DLG2: variants seen among roughly 807,000 people sequenced by gnomAD.
DLG2 encodes the protein disks large homolog 2.
Under a neutral mutation model 132.5 loss-of-function variants are expected in DLG2, and 45 were observed. The observed-to-expected ratio is 0.34, with a 90% CI of 0.27 to 0.44. The LOEUF is 0.44. Ranked by LOEUF, DLG2 falls within the 20% of genes least tolerant of loss-of-function variation. The pLI is 1.00. For synonymous variants in DLG2, 424 were observed against 419.6 expected (o/e 1.01, Z -0.13); for missense variants, 1,045 against 1,196.9 (o/e 0.87, Z 1.87).
chr11:84,922,274 A>C (rs955230679), intron 6 of DLG2, among the ~76,000 whole-genome samples: 1 of 152,152 alleles, frequency 6.6e-6, no homozygotes, highest in Non-Finnish European at 1.5e-5. Context: ...TTCTTTCTCC[A>C]AGAAATGTAA....
intron 3 of DLG2, among the ~76,000 whole-genome samples, chr11:85,494,258 T>C (rs1264729513): frequency 6.6e-6 from 1 of 152,218 alleles, no homozygotes; most frequent in Non-Finnish European, 1.5e-5. Context: ...TTTAATTTCC[T>C]TTATAACATG....
At chr11:84,994,669 G>A (rs1314381623) in intron 6 of DLG2, among the ~76,000 whole-genome samples, 1 of 152,174 alleles carries the variant, frequency 6.6e-6, no homozygotes, top group Non-Finnish European at 1.5e-5. Flanking sequence ...TTTGGGGGGA[G>A]ATTATCACAG....
At chr11:84,249,084 C>A (rs17147089) in intron 8 of DLG2, among the ~76,000 whole-genome samples, 6,010 of 152,240 alleles carry the variant, frequency 0.039, 128 homozygotes, top group South Asian at 0.077. Context: ...GGATATCTGG[C>A]AGTTACGCCA....
intron 7 of DLG2, among the ~76,000 whole-genome samples, chr11:84,520,509 A>G (rs2099293530): frequency 1.3e-5 from 2 of 152,148 alleles, no homozygotes; most frequent in Non-Finnish European, 2.9e-5. Context: ...GTAGCCTAAA[A>G]TTACATTGGT....
chr11:84,414,900 G>A (rs1172143302), intron 7 of DLG2, among the ~76,000 whole-genome samples: 1 of 152,110 alleles, frequency 6.6e-6, no homozygotes, highest in Non-Finnish European at 1.5e-5. Flanking sequence ...ATCCTTGAAA[G>A]TGAAAGACCT....
chr11:85,292,828 T>G (rs1322318479), intron 3 of DLG2, among the ~76,000 whole-genome samples: 1 of 151,776 alleles, frequency 6.6e-6, no homozygotes, highest in Non-Finnish European at 1.5e-5. Flanking sequence ...TTCAAAGTAT[T>G]TTCCTCTATT....
At chr11:83,699,627 G>A (rs961508795) in intron 18 of DLG2, among the ~76,000 whole-genome samples, 1 of 151,108 alleles carries the variant, frequency 6.6e-6, no homozygotes, top group Non-Finnish European at 1.5e-5. Context: ...GGAGAATGGA[G>A]TGAACCCAGG....
chr11:84,190,174 CAA>C (rs35162888), intron 8 of DLG2, among the ~76,000 whole-genome samples: 3 of 132,032 alleles, frequency 2.3e-5, no homozygotes, highest in African/African-American at 5.5e-5. Flanking sequence ...GTTAAGTAGT[CAA>C]AAAAAAAAAA....
chr11:83,575,952 C>T (rs529848276), intron 19 of DLG2, among the ~76,000 whole-genome samples: 9 of 151,962 alleles, frequency 5.9e-5, no homozygotes, highest in Admixed American at 1.3e-4. Context: ...CCAATCAAAA[C>T]GAACCCATAA....
intron 3 of DLG2, among the ~76,000 whole-genome samples, chr11:85,411,644 G>A (rs115022872): frequency 2.5e-4 from 38 of 151,902 alleles, no homozygotes; most frequent in African/African-American, 8.4e-4. Flanking sequence ...TTGAGCATAC[G>A]AAATGGATAA....
intron 19 of DLG2, among the ~76,000 whole-genome samples, chr11:83,623,318 A>G (rs1372301886): frequency 6.6e-6 from 1 of 152,210 alleles, no homozygotes; most frequent in Non-Finnish European, 1.5e-5. Flanking sequence ...AGGGGCAAGG[A>G]GCCTAGTCAG....
intron 26 of DLG2, among the ~76,000 whole-genome samples, chr11:83,464,912 T>C (rs542408216): frequency 6.6e-6 from 1 of 152,336 alleles, no homozygotes; most frequent in South Asian, 2.1e-4. Flanking sequence ...AATGTTAGCA[T>C]TACTTATATT....
chr11:84,573,214 T>C (rs2099490085), intron 6 of DLG2, among the ~76,000 whole-genome samples: 1 of 152,266 alleles, frequency 6.6e-6, no homozygotes, highest in East Asian at 1.9e-4. Context: ...ATAATTTTAG[T>C]AGCTAAGTAA....
chr11:85,525,060 T>C (rs921453266), intron 3 of DLG2: 3 of 152,196 alleles, frequency 2.0e-5, no homozygotes, highest in Admixed American at 6.5e-5. Flanking sequence ...TGTAAAATTA[T>C]AACATTTGTC....
At chr11:83,562,037 C>T (rs1224751105) in intron 19 of DLG2, among the ~76,000 whole-genome samples, 1 of 151,348 alleles carries the variant, frequency 6.6e-6, no homozygotes, top group East Asian at 1.9e-4. Context: ...TACAGGTGCC[C>T]AGCACCACGC....
intron 19 of DLG2, among the ~76,000 whole-genome samples, chr11:83,583,078 A>C (rs1195405168): frequency 6.6e-6 from 1 of 152,238 alleles, no homozygotes; most frequent in African/African-American, 2.4e-5. Flanking sequence ...ATCAGTGCAG[A>C]AGCTAATTTG....
intron 7 of DLG2, among the ~76,000 whole-genome samples, chr11:84,253,012 G>T (rs1397118164): frequency 1.3e-5 from 2 of 152,106 alleles, no homozygotes; most frequent in Non-Finnish European, 2.9e-5. Flanking sequence ...AAAATTTCAT[G>T]TCTTTACCAA....
intron 6 of DLG2, among the ~76,000 whole-genome samples, chr11:84,838,374 G>T (rs760250920): frequency 1.4e-5 from 2 of 147,240 alleles, no homozygotes; most frequent in African/African-American, 5.0e-5. Flanking sequence ...ATGTGTTTTA[G>T]CCGAAGCACA....
intron 18 of DLG2, among the ~76,000 whole-genome samples, chr11:83,755,891 G>A (rs1048242011): frequency 2.6e-5 from 4 of 151,336 alleles, no homozygotes; most frequent in Non-Finnish European, 4.4e-5. Flanking sequence ...TCCCACACGT[G>A]CCTTTAACAA....
Sources: gnomAD v4.1 joint callset for allele counts (sites outside exome capture counted in the v4.1 genomes callset) on GRCh38, gnomAD v4.1.1 for gene constraint, MANE v1.5 for transcripts, NCBI Gene and HGNC (gene_info 2026-07-23, HGNC 2026-07-21) for gene names.